BST1: variants seen among roughly 807,000 people sequenced by gnomAD.
The protein encoded by BST1 is bone marrow stromal cell antigen 1.
BST1 carries 49 observed loss-of-function variants against 40.6 expected under a neutral mutation model. That is an observed-to-expected ratio of 1.21 (90% confidence interval 0.96 to 1.53). BST1 has a LOEUF of 1.53. BST1 is among the 40% of genes most tolerant of loss of function. The probability of loss-of-function intolerance (pLI) is 0.00; values close to 1 mark genes in which losing one functional copy is unlikely to be tolerated. For synonymous variants in BST1, 157 were observed against 159.3 expected (o/e 0.99, Z 0.11); for missense variants, 423 against 395.9 (o/e 1.07, Z -0.58).
chr4:15,739,887 C>T (rs898031209), downstream of BST1, among the ~76,000 whole-genome samples: 1 of 150,018 alleles, frequency 6.7e-6, no homozygotes, highest in African/African-American at 2.5e-5. Flanking sequence ...GGAGGGAAGT[C>T]GGTGAGAGAG....
the BST1 span, among the ~76,000 whole-genome samples, chr4:15,764,521 C>T: frequency 6.1e-4 from 93 of 152,040 alleles, 1 homozygote; most frequent in South Asian, 0.019. Flanking sequence ...AATTTTGGCA[C>T]AAGTTGGTGT....
At chr4:15,768,381 G>C in the BST1 span, among the ~76,000 whole-genome samples, 1 of 151,944 alleles carries the variant, frequency 6.6e-6, no homozygotes, top group Admixed American at 6.6e-5. Flanking sequence ...TCTGATTTTT[G>C]GTAGTCCATG....
At chr4:15,759,827 G>A in the BST1 span, among the ~76,000 whole-genome samples, 1,129 of 151,846 alleles carry the variant, frequency 7.4e-3, 34 homozygotes, top group African/African-American at 0.026. Flanking sequence ...TTTACCCAGT[G>A]GCATCAAATC....
At chr4:15,724,602 C>G (rs999171596) in intron 8 of BST1, among the ~76,000 whole-genome samples, 6 of 152,134 alleles carry the variant, frequency 3.9e-5, no homozygotes, top group Admixed American at 3.3e-4. Flanking sequence ...AGGAGAATCA[C>G]TTGAACCCAG....
chr4:15,745,070 CA>C, the BST1 span, among the ~76,000 whole-genome samples: 1 of 152,076 alleles, frequency 6.6e-6, no homozygotes, highest in Non-Finnish European at 1.5e-5. Flanking sequence ...TGCAACTTTG[CA>C]GGTAATAAAA....
intron 5 of BST1, 114 bp downstream of exon 5, chr4:15,715,475 A>T: frequency 8.8e-7 from 1 of 1,137,434 alleles, no homozygotes; most frequent in Non-Finnish European, 1.3e-6. Context: ...GTGCTTCTGT[A>T]AATTCAGGTA....
At chr4:15,710,796 C>CTT (rs374174187) in intron 3 of BST1, among the ~76,000 whole-genome samples, 128 of 148,068 alleles carry the variant, frequency 8.6e-4, no homozygotes, top group African/African-American at 3.1e-3. Flanking sequence ...TATTTTCTTT[C>CTT]TTTTTTTTTT....
the BST1 span, among the ~76,000 whole-genome samples, chr4:15,759,712 A>T: frequency 6.6e-6 from 1 of 151,464 alleles, no homozygotes; most frequent in Non-Finnish European, 1.5e-5. Context: ...AGGGGGTGTC[A>T]TGGGGTACAG....
intron 2 of BST1, among the ~76,000 whole-genome samples, 175 bp downstream of exon 2, chr4:15,705,816 A>G (rs1204413171): frequency 6.6e-6 from 1 of 152,220 alleles, no homozygotes; most frequent in Admixed American, 6.5e-5. Context: ...TTGTTTCTGT[A>G]TTAGTCCGTT....
intron 2 of BST1, 33 bp downstream of exon 2, chr4:15,705,674 T>TTCTCTG: frequency 6.2e-7 from 1 of 1,611,332 alleles, no homozygotes. Flanking sequence ...TAAAACTGTG[T>TTCTCTG]TCTCTGTCTC....
chr4:15,711,926 G>A (rs765844319), intron 4 of BST1, 37 bp downstream of exon 4: 5 of 1,564,818 alleles, frequency 3.2e-6, no homozygotes, highest in Non-Finnish European at 3.5e-6. Context: ...TTGAGCATGT[G>A]TGGGACCCAT....
the BST1 span, among the ~76,000 whole-genome samples, chr4:15,762,990 G>T: frequency 2.0e-5 from 3 of 151,932 alleles, no homozygotes; most frequent in South Asian, 6.2e-4. Flanking sequence ...TTCATATCTT[G>T]GCTATTGTGA....
chr4:15,754,832 C>A, the BST1 span, among the ~76,000 whole-genome samples: 2 of 152,214 alleles, frequency 1.3e-5, no homozygotes, highest in Admixed American at 1.3e-4. Flanking sequence ...TGGTCCCACA[C>A]CTCTAATTCG....
Position 15,715,807 on chromosome 4 carries a change from A to G in BST1, c.704+8A>G. ...AATTGGGGGACCCAATGTGTAAGTT[A>G]TGGTGATATTGATGATGATAATTGC... On this transcript the variant is annotated splice_region_variant and intron_variant, in intron 6 of 8. Transcript: ENST00000265016. 6.5e-7 allele frequency: 1 copy of G among 1,544,300 alleles called. No homozygotes were observed.
chr4:15,705,707 G>T, intron 2 of BST1, 66 bp downstream of exon 2: 1 of 1,579,794 alleles, frequency 6.3e-7, no homozygotes, highest in Admixed American at 1.7e-5. Flanking sequence ...TGGTGCATGG[G>T]CCAGGTTGAC....
chr4:15,769,696 A>T, the BST1 span, among the ~76,000 whole-genome samples: 1 of 152,122 alleles, frequency 6.6e-6, no homozygotes, highest in Admixed American at 6.5e-5. Context: ...ATATGTTTAC[A>T]ATATCAAATA....
downstream of BST1, among the ~76,000 whole-genome samples, chr4:15,737,295 G>C (rs1721604534): frequency 6.6e-6 from 1 of 152,210 alleles, no homozygotes; most frequent in South Asian, 2.1e-4. Flanking sequence ...TGTGCACTGG[G>C]CACTGTGTGA....
downstream of BST1, among the ~76,000 whole-genome samples, chr4:15,735,434 T>C (rs1721520993): frequency 6.6e-6 from 1 of 152,144 alleles, no homozygotes; most frequent in Non-Finnish European, 1.5e-5. Flanking sequence ...GGGGATTCTT[T>C]AGCTTTCTTT....
the BST1 span, among the ~76,000 whole-genome samples, chr4:15,753,483 C>A: frequency 6.6e-5 from 10 of 152,180 alleles, no homozygotes; most frequent in African/African-American, 2.4e-4. Flanking sequence ...AGTGGGTGTC[C>A]TTTGTCCTTG....
Sources: allele counts gnomAD v4.1 joint callset (sites outside exome capture counted in the v4.1 genomes callset), GRCh38; gene constraint gnomAD v4.1.1; transcripts MANE v1.5; gene names NCBI Gene and HGNC (gene_info 2026-07-23, HGNC 2026-07-21).